PRDM16: variants seen among roughly 807,000 people sequenced by gnomAD.
PRDM16 encodes the protein histone-lysine N-methyltransferase PRDM16.
Under a neutral mutation model 110.6 loss-of-function variants are expected in PRDM16, and 23 were observed. The ratio of observed to expected loss-of-function variants is 0.21; its 90% CI spans 0.15 to 0.29. PRDM16 has a LOEUF of 0.29. Among genes scored for constraint, PRDM16 ranks in the 10% least tolerant of loss-of-function variants. PRDM16 has a pLI of 1.00. For synonymous variants in PRDM16, 799 were observed against 781.8 expected, an observed-to-expected ratio of 1.02 and a Z score of -0.37; for missense variants, 1,615 against 1,794.3, an observed-to-expected ratio of 0.90 and a Z score of 1.81.
At chr1:3,270,023 G>C (rs544519418) in intron 3 of PRDM16, among the ~76,000 whole-genome samples, 1 of 149,892 alleles carries the variant, frequency 6.7e-6, no homozygotes, top group Non-Finnish European at 1.5e-5. Flanking sequence ...AGGACAGTCA[G>C]GGAGGACTGT....
chr1:3,074,447 G>A (rs986673593), intron 1 of PRDM16, among the ~76,000 whole-genome samples: 8 of 152,238 alleles, frequency 5.3e-5, no homozygotes, highest in Non-Finnish European at 8.8e-5. Flanking sequence ...GTGTGTGCGT[G>A]TCAGGGTTTA....
rs1642037924 is a variant in PRDM16 at position 3,081,913 on chromosome 1, C to A, written c.37+12617C>A. ...GACCCAGAGGCAGAGGCCTTCAGGGCCAGCAGTCAGGATGGGCAGATGAAG... is the reference window on the plus strand; with the variant it reads ...GACCCAGAGGCAGAGGCCTTCAGGGACAGCAGTCAGGATGGGCAGATGAAG... On this transcript the variant is annotated intron_variant, in intron 1 of 16. Coordinates refer to ENST00000270722, the MANE Select transcript of PRDM16 (RefSeq NM_022114.4). The surrounding 1 kb of genome is among the most constrained non-coding windows in gnomAD (Gnocchi z 4.6). Among the ~76,000 whole-genome samples the A allele has an allele frequency of 6.6e-6, 1 of 152,212 alleles. No homozygotes were observed. The highest frequency in any genetic ancestry group is 1.5e-5 in the Non-Finnish European group (1 of 68,046).
At chr1:3,336,677 CATAT>C (rs1359943040) in intron 3 of PRDM16, among the ~76,000 whole-genome samples, 28 of 147,788 alleles carry the variant, frequency 1.9e-4, no homozygotes, top group East Asian at 4.1e-4. Context: ...CATTCACACA[CATAT>C]GTGTTTTTGT....
intron 1 of PRDM16, among the ~76,000 whole-genome samples, chr1:3,134,869 C>A (rs1397142440): frequency 6.6e-6 from 1 of 152,240 alleles, no homozygotes; most frequent in Non-Finnish European, 1.5e-5. Flanking sequence ...GCGTGGGACA[C>A]CCGGGAGCCC....
chr1:3,140,681 G>A lies in PRDM16; in HGVS notation c.38-45444G>A, dbSNP rs557564497. 2.0e-5 allele frequency among the ~76,000 whole-genome samples: 3 copies of A among 152,362 alleles called. No individual in the cohort carries two copies. The East Asian group carries it at 5.8e-4, about 29-fold the overall frequency. ...CAGCGTCGCCACCAGGCAGCTCCTA[G>A]AAGGCGTATGGGGGGTGCATGGGCT... On this transcript the variant is annotated intron_variant, in intron 1 of 16. Coordinates refer to ENST00000270722, the MANE Select transcript of PRDM16 (RefSeq NM_022114.4).
chr1:3,107,695 C>A (rs1402666172), intron 1 of PRDM16, among the ~76,000 whole-genome samples: 1 of 152,154 alleles, frequency 6.6e-6, no homozygotes, highest in Non-Finnish European at 1.5e-5. Context: ...CCTCACTGGA[C>A]CAGTGACTCG....
At position 3,116,130 on chromosome 1, in the gene PRDM16, C is replaced by T. The variant is rs140668072; in HGVS notation, c.37+46834C>T. On this transcript the variant is annotated intron_variant, in intron 1 of 16. Transcript: ENST00000270722. ...GGGGTTCAGGGAGGTCAAGGTCAGG[C>T]CTAGCGTGGGTGGTCATCTCAGGGG... Among the ~76,000 whole-genome samples, 509 of 152,290 alleles carry T rather than the reference C, an allele frequency of 3.3e-3. 1 individual carries two copies. Among genetic ancestry groups the T allele is most frequent in the African/African-American group, 0.012 (485 of 41,560 alleles).
At position 3,350,333 on chromosome 1, in the gene PRDM16, TGAAAA is replaced by T. The variant is rs1048063136; in HGVS notation, c.439-34811_439-34807del. On this transcript the variant is annotated intron_variant, in intron 3 of 16. Transcript: ENST00000270722. This position sits in a 1 kb window ranked among gnomAD's most constrained non-coding sequence, Gnocchi z 7.1. ...AGAGTGAGACCCTGTCTCAAAAAAA[TGAAAA>T]GAAAAGATCTGGAAGTGGGAGGGGA... is the stretch of plus-strand genomic sequence containing the variant. 4.0e-5 allele frequency among the ~76,000 whole-genome samples: 6 copies of T among 151,742 alleles called. No individual in the cohort carries two copies. The highest frequency in any genetic ancestry group is 1.3e-4 in the Admixed American group (2 of 15,246).
chr1:3,266,659 C>T (rs2100269680), intron 3 of PRDM16, among the ~76,000 whole-genome samples: 1 of 152,318 alleles, frequency 6.6e-6, no homozygotes, highest in East Asian at 1.9e-4. Flanking sequence ...CACGGTGGGG[C>T]ATGCATTTTA....
At chr1:3,227,556 G>A (rs998556825) in intron 2 of PRDM16, among the ~76,000 whole-genome samples, 8 of 152,238 alleles carry the variant, frequency 5.3e-5, no homozygotes, top group African/African-American at 1.9e-4. Flanking sequence ...CTGCGGCGGG[G>A]CTCTGCCGTG....
intron 1 of PRDM16, among the ~76,000 whole-genome samples, chr1:3,116,346 AC>A (rs1181850043): frequency 6.6e-6 from 1 of 152,056 alleles, no homozygotes; most frequent in Non-Finnish European, 1.5e-5. Flanking sequence ...CAGTGTGAGA[AC>A]CGAGAGCCAG....
intron 1 of PRDM16, among the ~76,000 whole-genome samples, chr1:3,130,212 G>A (rs1466724706): frequency 5.9e-5 from 9 of 152,238 alleles, no homozygotes; most frequent in African/African-American, 4.8e-5. Flanking sequence ...TGCAGGACCA[G>A]CCAGACCTGG....
chr1:3,177,216 TCCACCCAC>T (rs1294228817), intron 1 of PRDM16, among the ~76,000 whole-genome samples: 1 of 152,134 alleles, frequency 6.6e-6, no homozygotes, highest in African/African-American at 2.4e-5. Context: ...CGTAAATTCA[TCCACCCAC>T]CCACCCATCC....
intron 3 of PRDM16, among the ~76,000 whole-genome samples, chr1:3,380,646 C>T (rs1643086630): frequency 6.6e-6 from 1 of 152,140 alleles, no homozygotes; most frequent in Admixed American, 6.5e-5. Flanking sequence ...CAGCCGTGTC[C>T]CTGTTCAGAC....
At chr1:3,271,565 A>T (rs2100290374) in intron 3 of PRDM16, among the ~76,000 whole-genome samples, 1 of 152,286 alleles carries the variant, frequency 6.6e-6, no homozygotes, top group South Asian at 2.1e-4. Flanking sequence ...ACCCATCTAG[A>T]ACCTGTTCCA....
intron 12 of PRDM16, among the ~76,000 whole-genome samples, chr1:3,423,658 C>G (rs760578414): frequency 6.6e-6 from 1 of 152,182 alleles, no homozygotes; most frequent in Non-Finnish European, 1.5e-5. Context: ...GGAGTCCTGT[C>G]CTCTGTGGGA....
rs1400431487 is a variant in PRDM16, at chr1:3,382,625, G to A, written c.439-2527G>A. Among the ~76,000 whole-genome samples, 1 of 152,190 alleles carries A rather than the reference G, an allele frequency of 6.6e-6. No homozygotes were observed. The highest frequency in any genetic ancestry group is 2.4e-5 in the African/African-American group (1 of 41,434). On this transcript the variant is annotated intron_variant, in intron 3 of 16. Transcript: ENST00000270722. This position sits in a 1 kb window ranked among gnomAD's most constrained non-coding sequence, Gnocchi z 6.6. The stretch of plus-strand genomic sequence containing the variant: ...TGAGCCCATGTCTTGGGTGCATTAG[G>A]GGTGAGTCCTGCCTCTTGGGAAGTG...
chr1:3,221,859 C>T (rs1342025925), intron 2 of PRDM16, among the ~76,000 whole-genome samples: 1 of 152,278 alleles, frequency 6.6e-6, no homozygotes, highest in Non-Finnish European at 1.5e-5. Context: ...ACAATTTCCT[C>T]ATGGAGAATT....
chr1:3,344,839 C>T (rs994231776), intron 3 of PRDM16, among the ~76,000 whole-genome samples: 5 of 152,224 alleles, frequency 3.3e-5, no homozygotes, highest in African/African-American at 1.2e-4. Context: ...CAAAGGTGAT[C>T]ATCAAGCTCT....
Sources: gnomAD v4.1 joint callset for allele counts (sites outside exome capture counted in the v4.1 genomes callset) on GRCh38, gnomAD v4.1.1 for gene constraint, Gnocchi (gnomAD v3.1) non-coding constraint, MANE v1.5 for transcripts, NCBI Gene and HGNC (gene_info 2026-07-23, HGNC 2026-07-21) for gene names.